The following DYNC2H1 variants were observed in gnomAD, a reference collection of about 807,000 sequenced individuals.
The protein encoded by DYNC2H1 is dynein cytoplasmic 2 heavy chain 1.
Under a neutral mutation model 570.0 loss-of-function variants are expected in DYNC2H1, and 410 were observed. The observed-to-expected ratio is 0.72, with a 90% CI of 0.66 to 0.78. The LOEUF (loss-of-function observed/expected upper bound fraction) is 0.78. Among genes scored for constraint, DYNC2H1 ranks in the 30% least tolerant of loss-of-function variants. DYNC2H1 has a pLI of 0.00. For missense variants in DYNC2H1, 4,865 were observed against 5,046.4 expected, an observed-to-expected ratio of 0.96 and a Z score of 1.09; for synonymous variants, 1,688 against 1,677.6, an observed-to-expected ratio of 1.01 and a Z score of -0.15.
intron 13 of DYNC2H1, among the ~76,000 whole-genome samples, chr11:103,131,256 A>G (rs997119267): frequency 3.9e-5 from 6 of 152,202 alleles, no homozygotes; most frequent in Non-Finnish European, 7.3e-5. Context: ...CATGACAAAA[A>G]GGATAGTTTA....
At chr11:103,154,628 T>C in intron 23 of DYNC2H1, 22 bp downstream of exon 23, 1 of 1,583,918 alleles carries the variant, frequency 6.3e-7, no homozygotes, top group Non-Finnish European at 8.6e-7. Context: ...AAACAATATT[T>C]AGACTAATAA....
chr11:103,163,982 C>G lies in DYNC2H1; in HGVS notation c.4611+835C>G, dbSNP rs1286390669. On this transcript the variant is annotated intron_variant, in intron 30 of 88. Transcript: ENST00000375735. This position sits in a 1 kb window ranked among gnomAD's most constrained non-coding sequence, Gnocchi z 4.6. ...ATTTTCTCATACATGCCATTTGTATCTTTTTTCATTTTAAGGCAAACTGAA... is the reference window on the plus strand; with the variant it reads ...ATTTTCTCATACATGCCATTTGTATGTTTTTTCATTTTAAGGCAAACTGAA... Among the ~76,000 whole-genome samples, 2 of 152,078 alleles carry G rather than the reference C, an allele frequency of 1.3e-5. No individual in the cohort carries two copies. The highest frequency in any genetic ancestry group is 2.1e-4 in the South Asian group (1 of 4,828).
chr11:103,253,651 C>A (rs918019341), intron 66 of DYNC2H1, among the ~76,000 whole-genome samples: 3 of 152,112 alleles, frequency 2.0e-5, no homozygotes, highest in Admixed American at 6.6e-5. Context: ...ATGCTAATGT[C>A]AAATTGCTGC....
chr11:103,142,568 C>T (rs2134826004), intron 17 of DYNC2H1, among the ~76,000 whole-genome samples: 1 of 152,164 alleles, frequency 6.6e-6, no homozygotes, highest in Non-Finnish European at 1.5e-5. Flanking sequence ...ACCATGGAGG[C>T]TGAAGTAGGA....
At chr11:103,230,863 C>G (rs1012714506) in intron 59 of DYNC2H1, among the ~76,000 whole-genome samples, 4 of 152,130 alleles carry the variant, frequency 2.6e-5, no homozygotes, top group South Asian at 2.1e-4. Flanking sequence ...GAGTGAGACT[C>G]TGTCTCTTAA....
At chr11:103,442,969 CTTT>C (rs5794237) in intron 85 of DYNC2H1, among the ~76,000 whole-genome samples, 2 of 143,068 alleles carry the variant, frequency 1.4e-5, no homozygotes, top group African/African-American at 2.6e-5. Flanking sequence ...TTTATGAGCC[CTTT>C]TTTTTTTTTT....
chr11:103,317,132 A>AG (rs929577027), intron 80 of DYNC2H1, among the ~76,000 whole-genome samples: 1 of 152,138 alleles, frequency 6.6e-6, no homozygotes, highest in Admixed American at 6.6e-5. Flanking sequence ...TGCAGGGCGA[A>AG]GGGAGGGGGA....
At chr11:103,302,225 A>G (rs1177381726) in intron 75 of DYNC2H1, among the ~76,000 whole-genome samples, 3 of 152,040 alleles carry the variant, frequency 2.0e-5, no homozygotes, top group Admixed American at 6.6e-5. Context: ...AAGATAATCA[A>G]TTTCTTTGAG....
intron 87 of DYNC2H1, among the ~76,000 whole-genome samples, chr11:103,467,601 GATC>G (rs930452174): frequency 2.3e-4 from 35 of 152,180 alleles, no homozygotes; most frequent in African/African-American, 8.2e-4. Context: ...GTGGTGGCGC[GATC>G]TCGGCTCACT....
intron 19 of DYNC2H1, 121 bp downstream of exon 19, chr11:103,148,008 A>C: frequency 1.5e-6 from 1 of 684,092 alleles, no homozygotes; most frequent in Non-Finnish European, 2.4e-6. Flanking sequence ...AATTTAAAAA[A>C]AGCAGGAAAA....
chr11:103,137,146 G>C (rs1294342275), intron 17 of DYNC2H1, among the ~76,000 whole-genome samples: 1 of 146,966 alleles, frequency 6.8e-6, no homozygotes, highest in Non-Finnish European at 1.5e-5. Flanking sequence ...AGATGAGTAG[G>C]TTGCAAAAAT....
At chr11:103,343,609 C>T (rs7113233) in intron 82 of DYNC2H1, among the ~76,000 whole-genome samples, 1 of 152,028 alleles carries the variant, frequency 6.6e-6, no homozygotes, top group Non-Finnish European at 1.5e-5. Context: ...TATATCCTTC[C>T]TATTCATATG....
At chr11:103,267,417 C>G (rs533601452) in intron 70 of DYNC2H1, among the ~76,000 whole-genome samples, 54 of 151,068 alleles carry the variant, frequency 3.6e-4, no homozygotes, top group African/African-American at 1.3e-3. Flanking sequence ...TTGCACTTGA[C>G]TATAATCCAA....
chr11:103,273,946 A>G (rs961855654), intron 70 of DYNC2H1, among the ~76,000 whole-genome samples: 1 of 152,032 alleles, frequency 6.6e-6, no homozygotes, highest in African/African-American at 2.4e-5. Flanking sequence ...AACATTTTGG[A>G]GTTTTGGGCT....
At chr11:103,207,549 A>C (rs1487262027) in intron 52 of DYNC2H1, among the ~76,000 whole-genome samples, 1 of 152,072 alleles carries the variant, frequency 6.6e-6, no homozygotes, top group Admixed American at 6.6e-5. Context: ...TTTCTTAGCG[A>C]AATAGGAAGA....
rs1376686841 is a variant in DYNC2H1 at position 103,245,398 on chromosome 11, G to A, written c.10042+24G>A. The A allele has an allele frequency of 3.9e-6, 6 of 1,541,976 alleles. No individual in the cohort carries two copies. The South Asian group carries it at 5.1e-5, about 13-fold the overall frequency. On this transcript the variant is annotated intron_variant, in intron 65 of 88. Coordinates refer to ENST00000375735, the MANE Select transcript of DYNC2H1 (RefSeq NM_001377.3). This position sits in a 1 kb window ranked among gnomAD's most constrained non-coding sequence, Gnocchi z 4.5. Reference sequence around the variant, plus strand: ...AGGTAAATAATTGACACTTTCCAGAGTGTAAATATTTTTAAAATTTCCAAA... The same window carrying A: ...AGGTAAATAATTGACACTTTCCAGAATGTAAATATTTTTAAAATTTCCAAA...
At position 103,133,055 on chromosome 11, in the gene DYNC2H1, A is replaced by AT. The variant is rs1398897307; in HGVS notation, c.1954-498dup. On this transcript the variant is annotated intron_variant, in intron 13 of 88. Transcript: ENST00000375735. The surrounding 1 kb of genome is among the most constrained non-coding windows in gnomAD (Gnocchi z 4.8). The stretch of plus-strand genomic sequence containing the variant: ...GCTTTTTACTTAGTCCCACTGAAAC[A>AT]TTAGAAAGGGGTGATTTTCTCCTTG... 6.6e-6 allele frequency among the ~76,000 whole-genome samples: 1 copy of AT among 152,164 alleles called. No individual in the cohort carries two copies. The highest frequency in any genetic ancestry group is 1.5e-5 in the Non-Finnish European group (1 of 68,018).
chr11:103,259,875 T>G lies in DYNC2H1; in HGVS notation c.10606-13T>G. 2.7e-6 allele frequency: 4 copies of G among 1,490,668 alleles called. No homozygotes were observed. 92.3% of individuals were successfully genotyped at this position (1,490,668 alleles called of 1,614,324 possible). On this transcript the variant is annotated splice_polypyrimidine_tract_variant and intron_variant, in intron 69 of 88. Coordinates refer to ENST00000375735, the MANE Select transcript of DYNC2H1 (RefSeq NM_001377.3). The stretch of plus-strand genomic sequence containing the variant: ...TATAAATTTCCTAATGAATTTCCAA[T>G]TATAATCTACAGGATTCTGAAAATA...
intron 83 of DYNC2H1, among the ~76,000 whole-genome samples, chr11:103,371,789 G>C (rs1054501300): frequency 2.0e-5 from 3 of 151,960 alleles, no homozygotes; most frequent in Admixed American, 6.6e-5. Flanking sequence ...ACTGGTTTTT[G>C]TATGTTAATT....
Sources: allele counts gnomAD v4.1 joint callset (sites outside exome capture counted in the v4.1 genomes callset), GRCh38; gene constraint gnomAD v4.1.1; non-coding constraint Gnocchi (gnomAD v3.1); transcripts MANE v1.5; gene names NCBI Gene and HGNC (gene_info 2026-07-23, HGNC 2026-07-21).